ATP6V0A2: variants seen among roughly 807,000 people sequenced by gnomAD.
ATP6V0A2 encodes V-type proton ATPase 116 kDa subunit a 2.
In ATP6V0A2, 58 loss-of-function variants were observed where a neutral mutation model predicts 104.4. The observed-to-expected ratio is 0.56, with a 90% CI of 0.45 to 0.69. ATP6V0A2 has a LOEUF of 0.69. Ranked by LOEUF, ATP6V0A2 falls within the 30% of genes least tolerant of loss-of-function variation. The pLI, the probability that ATP6V0A2 is intolerant of heterozygous loss-of-function variation, is 0.00. For missense variants in ATP6V0A2, 938 were observed against 1,062.9 expected (o/e 0.88, Z 1.63); for synonymous variants, 376 against 397.9 (o/e 0.95, Z 0.65).
At position 123,761,074 on chromosome 12, in the gene ATP6V0A2, T is replaced by G. The variant is rs886049076; in HGVS notation, c.*3042T>G. On this transcript the variant is annotated 3_prime_UTR_variant, in exon 20 of 20. Coordinates refer to ENST00000330342, the MANE Select transcript of ATP6V0A2 (RefSeq NM_012463.4). ...GGCGCCTGCCACAGTGCCCGGCTAATTTTTGTATTTTTAGTAGAGACAGGG... is the reference window on the plus strand; with the variant it reads ...GGCGCCTGCCACAGTGCCCGGCTAAGTTTTGTATTTTTAGTAGAGACAGGG... The G allele has an allele frequency of 7.2e-5, 11 of 152,068 alleles. No individual in the cohort carries two copies. The highest frequency in any genetic ancestry group is 4.4e-5 in the Non-Finnish European group (3 of 68,054). The allele number at this position is 152,068 out of a possible 1,614,324, so 9.4% of individuals were successfully genotyped here.
At chr12:123,717,656 C>G (rs1956357440) in intron 1 of ATP6V0A2, among the ~76,000 whole-genome samples, 1 of 151,716 alleles carries the variant, frequency 6.6e-6, no homozygotes, top group South Asian at 2.1e-4. Flanking sequence ...GTTGCCCAGG[C>G]TGGCCTCAAA....
In ATP6V0A2 at chr12:123,754,592, A is replaced by T. The variant is rs1009521240; in HGVS notation, c.2293+55A>T. The T allele has an allele frequency of 6.5e-6, 8 of 1,237,862 alleles. No homozygotes were observed. The Admixed American group carries it at 8.4e-5, about 13-fold the overall frequency. 76.7% of individuals were successfully genotyped at this position (1,237,862 alleles called of 1,614,324 possible). A position where few individuals can be genotyped will look rare whatever the true frequency, so the allele number is the denominator to read the frequency against. On this transcript the variant is annotated intron_variant, in intron 18 of 19. Transcript: ENST00000330342. ...AATGCCCTGTAGTGCCAGCAGACTC[A>T]GGGGGCACTGTGGGATATTTTAACT...
chr12:123,722,434 G>A lies in ATP6V0A2; in HGVS notation c.280G>A (p.Val94Ile). The change falls in exon 3 of 20, where the codon GTT (valine) becomes ATT (isoleucine). Residue 94 changes from valine (V) to isoleucine (I), a missense_variant. Coordinates refer to ENST00000330342, the MANE Select transcript of ATP6V0A2 (RefSeq NM_012463.4). Reference sequence around the variant, plus strand: ...CCCTCCTGCGCCACCCCTGAAACAGGTTCTAGAAATGCAGGTAACTTGCTT... The same window carrying A: ...CCCTCCTGCGCCACCCCTGAAACAGATTCTAGAAATGCAGGTAACTTGCTT... ...ASPPAPPLKQ[V>I]LEMQEQLQKL... 6.2e-7 allele frequency: 1 copy of A among 1,609,000 alleles called. No individual in the cohort carries two copies. The highest frequency in any genetic ancestry group is 8.5e-7 in the Non-Finnish European group (1 of 1,175,324).
intron 8 of ATP6V0A2, 80 bp from the exon 9 acceptor site, chr12:123,736,979 C>T (rs1956560278): frequency 7.3e-7 from 1 of 1,379,126 alleles, no homozygotes; most frequent in South Asian, 1.2e-5. Context: ...GGAGAAAGTC[C>T]TCTAAGGGAA....
Position 123,744,984 on chromosome 12 carries a change from A to T in ATP6V0A2, c.1605+12A>T, listed in dbSNP as rs775727746. The T allele has an allele frequency of 6.2e-7, 1 of 1,612,772 alleles. No homozygotes were observed. Among genetic ancestry groups the T allele is most frequent in the Non-Finnish European group, 8.5e-7 (1 of 1,178,826 alleles). On this transcript the variant is annotated intron_variant, in intron 13 of 19. Coordinates refer to ENST00000330342, the MANE Select transcript of ATP6V0A2 (RefSeq NM_012463.4). This position sits in a 1 kb window ranked among gnomAD's most constrained non-coding sequence, Gnocchi z 5.4. ...TTGGCATTGATCCTGTGAGTGCACC[A>T]CGCTCTGTCGTTGTCTCTGGATGCT...
chr12:123,747,686 A>G lies in ATP6V0A2; in HGVS notation c.1685A>G (p.His562Arg), dbSNP rs1956675211. Residue 562 changes from histidine (H) to arginine (R), a missense_variant, in exon 14 of 20, where the codon CAT (histidine) becomes CGT (arginine). Transcript: ENST00000330342. ...MKMSVILGII[H>R]MTFGVILGIF... is the part of the protein sequence containing the mutation. ...ATGTCCGTGATTTTAGGAATCATTC[A>G]TATGACTTTTGGAGTCATTCTGGGA... 4 of 1,612,188 alleles carry G rather than the reference A, an allele frequency of 2.5e-6. No individual in the cohort carries two copies. The highest frequency in any genetic ancestry group is 1.7e-5 in the Admixed American group (1 of 60,000).
chr12:123,722,418 G>C lies in ATP6V0A2; in HGVS notation c.264G>C (p.Ala88=), dbSNP rs139785866. ...CTGAAGGAGAGGCCAGCCCTCCTGC[G>C]CCACCCCTGAAACAGGTTCTAGAAA... is the stretch of plus-strand genomic sequence containing the variant. ...PLPEGEASPP[A]PPLKQVLEMQ... The change falls in exon 3 of 20, where the codon GCG becomes GCC. Residue 88 remains alanine, a synonymous_variant. Coordinates refer to ENST00000330342, the MANE Select transcript of ATP6V0A2 (RefSeq NM_012463.4). The C allele has an allele frequency of 1.2e-6, 2 of 1,611,674 alleles. No individual in the cohort carries two copies. Among genetic ancestry groups the C allele is most frequent in the Admixed American group, 1.7e-5 (1 of 59,992 alleles).
chr12:123,747,425 G>A (rs890008523), intron 13 of ATP6V0A2, among the ~76,000 whole-genome samples, 182 bp from the exon 14 acceptor site: 3 of 152,170 alleles, frequency 2.0e-5, no homozygotes, highest in Admixed American at 2.0e-4. Context: ...TTTTGTAATT[G>A]TCTGTGGCCC....
In ATP6V0A2 at chr12:123,740,145, AAAACAAAC is replaced by A. The variant is rs10661679; in HGVS notation, c.1038+2896_1038+2903del. 1.8e-4 allele frequency among the ~76,000 whole-genome samples: 27 copies of A among 148,722 alleles called. No individual in the cohort carries two copies. In the South Asian group the frequency reaches 2.5e-3, roughly 14 times the overall value. On this transcript the variant is annotated intron_variant, in intron 9 of 19. Coordinates refer to ENST00000330342, the MANE Select transcript of ATP6V0A2 (RefSeq NM_012463.4). ...AGCAACAGAGCCAGACCTTGTCTCAAAAACAAACAAACAAACAAACAAACAAACAGTGA... is the reference window on the plus strand; with the variant it reads ...AGCAACAGAGCCAGACCTTGTCTCAAAAACAAACAAACAAACAAACAGTGA...
At chr12:123,715,038 C>T (rs572510425) in intron 1 of ATP6V0A2, among the ~76,000 whole-genome samples, 7 of 152,208 alleles carry the variant, frequency 4.6e-5, no homozygotes, top group Middle Eastern at 3.4e-3. Context: ...GCTGAGATCG[C>T]GCCACTGCAC....
chr12:123,717,640 T>C (rs918873989), intron 1 of ATP6V0A2, among the ~76,000 whole-genome samples: 2 of 151,700 alleles, frequency 1.3e-5, no homozygotes, highest in Middle Eastern at 3.2e-3. Flanking sequence ...GATGGTGTCT[T>C]ACCATGTTGC....
chr12:123,730,717 C>G (rs1449192048), intron 6 of ATP6V0A2: 1 of 152,116 alleles, frequency 6.6e-6, no homozygotes, highest in African/African-American at 2.4e-5. Context: ...ATCAGTAATT[C>G]TCATGCGAGC....
Position 123,754,447 on chromosome 12 carries a change from C to G in ATP6V0A2, c.2203C>G (p.Gln735Glu). ...TAATTTTGGAGAAATATTAATGACC[C>G]AAGTAATCCATTCCATCGAGTACTG... The part of the protein sequence containing the change: ...EFNFGEILMT[Q>E]VIHSIEYCLG... The change falls in exon 18 of 20, where the codon CAA becomes GAA. Residue 735 changes from glutamine (Q) to glutamate (E), a missense_variant. Transcript: ENST00000330342. 6.2e-7 allele frequency: 1 copy of G among 1,613,432 alleles called. No homozygotes were observed. The highest frequency in any genetic ancestry group is 8.5e-7 in the Non-Finnish European group (1 of 1,179,340).
Position 123,712,543 on chromosome 12 carries a change from C to T in ATP6V0A2, c.-23C>T, listed in dbSNP as rs777652403. The T allele has an allele frequency of 1.9e-6, 3 of 1,550,834 alleles. No individual in the cohort carries two copies. Among genetic ancestry groups the T allele is most frequent in the African/African-American group, 1.4e-5 (1 of 73,080 alleles). On this transcript the variant is annotated 5_prime_UTR_variant, in exon 1 of 20. Coordinates refer to ENST00000330342, the MANE Select transcript of ATP6V0A2 (RefSeq NM_012463.4). ...GGAGCCGCCGCCGCCCATCGAGCCC[C>T]TCCGGGCGCGGGTCGGCCCGCCATG...
Position 123,758,124 on chromosome 12 carries a change from C to T in ATP6V0A2, c.*92C>T. 1 of 901,318 alleles carries T rather than the reference C, an allele frequency of 1.1e-6. No homozygotes were observed. 55.8% of individuals were successfully genotyped at this position (901,318 alleles called of 1,614,324 possible). On this transcript the variant is annotated 3_prime_UTR_variant, in exon 20 of 20. Coordinates refer to ENST00000330342, the MANE Select transcript of ATP6V0A2 (RefSeq NM_012463.4). ...TGTCAGATTTATGATAGGAAAAATTCCATCTTCATTACTGCCTTATGACAT... is the reference window on the plus strand; with the variant it reads ...TGTCAGATTTATGATAGGAAAAATTTCATCTTCATTACTGCCTTATGACAT...
At chr12:123,720,267 T>C (rs1956386515) in intron 2 of ATP6V0A2, among the ~76,000 whole-genome samples, 1 of 152,228 alleles carries the variant, frequency 6.6e-6, no homozygotes. Flanking sequence ...TGTACGTTAG[T>C]GGCACCATAT....
Position 123,748,575 on chromosome 12 carries a change from G to T in ATP6V0A2, c.1725G>T (p.Leu575Phe), listed in dbSNP as rs1237652661. The part of the protein sequence containing the change: ...FGVILGIFNH[L>F]HFRKKFNIYL... ...TTGATTGATTCCTTTTCTTTCCTAGGCACTTCAGGAAGAAGTTCAACATTT... is the reference window on the plus strand; with the variant it reads ...TTGATTGATTCCTTTTCTTTCCTAGTCACTTCAGGAAGAAGTTCAACATTT... Residue 575 changes from leucine to phenylalanine, a missense_variant and splice_region_variant, in exon 15 of 20, where the codon TTG (leucine) becomes TTT (phenylalanine). Transcript: ENST00000330342. 1 of 1,611,000 alleles carries T rather than the reference G, an allele frequency of 6.2e-7. No individual in the cohort carries two copies. The highest frequency in any genetic ancestry group is 8.5e-7 in the Non-Finnish European group (1 of 1,177,242).
chr12:123,726,395 G>A (rs1956449400), intron 5 of ATP6V0A2, 110 bp downstream of exon 5: 1 of 775,848 alleles, frequency 1.3e-6, no homozygotes, highest in East Asian at 2.5e-5. Context: ...AGGGTTGAAT[G>A]AAACATAGTG....
intron 9 of ATP6V0A2, 76 bp from the exon 10 acceptor site, chr12:123,743,709 A>T: frequency 6.4e-7 from 1 of 1,556,364 alleles, no homozygotes; most frequent in Non-Finnish European, 8.9e-7. Context: ...CAAAGCAGTA[A>T]CCCAGATTCG....
Sources: gnomAD v4.1 joint callset for allele counts (sites outside exome capture counted in the v4.1 genomes callset) on GRCh38, gnomAD v4.1.1 for gene constraint, Gnocchi (gnomAD v3.1) non-coding constraint, MANE v1.5 for transcripts, NCBI Gene and HGNC (gene_info 2026-07-23, HGNC 2026-07-21) for gene names.